Variants in EYA4 observed in about 807,000 individuals in gnomAD.
EYA4 encodes protein phosphatase EYA4.
Under a neutral mutation model 87.9 loss-of-function variants are expected in EYA4, and 31 were observed. That is an observed-to-expected ratio of 0.35 (90% CI 0.27 to 0.48). EYA4 has a LOEUF of 0.48. Ranked by LOEUF, EYA4 falls within the 20% of genes least tolerant of loss-of-function variation. The probability of loss-of-function intolerance (pLI) is 0.99; values close to 1 mark genes in which losing one functional copy is unlikely to be tolerated. For missense variants in EYA4, 678 were observed against 761.4 expected, an observed-to-expected ratio of 0.89 and a Z score of 1.29; for synonymous variants, 263 against 270.6, an observed-to-expected ratio of 0.97 and a Z score of 0.28.
chr6:133,341,635 CA>C (rs920744390), intron 2 of EYA4, among the ~76,000 whole-genome samples: 4 of 150,526 alleles, frequency 2.7e-5, no homozygotes, highest in African/African-American at 9.7e-5. Context: ...AATGTTGAAA[CA>C]AAGGACTTTT....
chr6:133,498,456 A>C (rs1797822090), intron 13 of EYA4, among the ~76,000 whole-genome samples: 1 of 152,220 alleles, frequency 6.6e-6, no homozygotes, highest in Admixed American at 6.5e-5. Context: ...CAGTAAGCAT[A>C]ACCTATTTAT....
At chr6:133,415,159 A>G (rs189299665) in intron 3 of EYA4, among the ~76,000 whole-genome samples, 1 of 152,242 alleles carries the variant, frequency 6.6e-6, no homozygotes, top group Non-Finnish European at 1.5e-5. Flanking sequence ...TCACTTACCC[A>G]CACTGCTGGT....
intron 2 of EYA4, among the ~76,000 whole-genome samples, chr6:133,329,167 G>T (rs1253041435): frequency 6.6e-6 from 1 of 151,896 alleles, no homozygotes; most frequent in East Asian, 1.9e-4. Flanking sequence ...ATGATTCTTA[G>T]GTCTGTTTTT....
intron 2 of EYA4, among the ~76,000 whole-genome samples, chr6:133,297,024 C>G (rs1778996607): frequency 6.6e-6 from 1 of 152,226 alleles, no homozygotes; most frequent in Admixed American, 6.5e-5. Context: ...GATGCATGCA[C>G]TAATTCTTGC....
chr6:133,314,592 T>A (rs1322248883), intron 2 of EYA4, among the ~76,000 whole-genome samples: 1 of 152,214 alleles, frequency 6.6e-6, no homozygotes, highest in Non-Finnish European at 1.5e-5. Context: ...TAATAAAACA[T>A]GTTTTTCCTT....
chr6:133,439,923 AATT>A (rs1430955670), intron 3 of EYA4, among the ~76,000 whole-genome samples: 1 of 152,184 alleles, frequency 6.6e-6, no homozygotes, highest in Non-Finnish European at 1.5e-5. Context: ...ATCTCCCAGG[AATT>A]GGTCAAGGGA....
chr6:133,318,244 ACT>A, intron 2 of EYA4, among the ~76,000 whole-genome samples: 1 of 152,130 alleles, frequency 6.6e-6, no homozygotes, highest in East Asian at 1.9e-4. Context: ...TATGGGTGTG[ACT>A]CTTCTTTTTT....
rs571818418 is a variant in EYA4 at position 133,358,961 on chromosome 6, G to A, written c.34-23431G>A. Among the ~76,000 whole-genome samples the A allele has an allele frequency of 3.3e-3, 504 of 152,208 alleles. 3 individuals carry two copies. Among genetic ancestry groups the A allele is most frequent in the African/African-American group, 0.011 (469 of 41,532 alleles). ...GAGATCTGAAGGATGAGAGCCAGCC[G>A]CCTTACAGAATGTGGGGGAGAGGAT... is the stretch of plus-strand genomic sequence containing the variant. On this transcript the variant is annotated intron_variant, in intron 2 of 19. Transcript: ENST00000355286.
intron 2 of EYA4, among the ~76,000 whole-genome samples, chr6:133,368,555 G>C (rs1583079233): frequency 6.6e-6 from 1 of 152,110 alleles, no homozygotes; most frequent in Admixed American, 6.6e-5. Flanking sequence ...TACTCAACAG[G>C]CTCCAACTGC....
At chr6:133,311,802 T>G (rs1288664797) in intron 2 of EYA4, among the ~76,000 whole-genome samples, 1 of 152,116 alleles carries the variant, frequency 6.6e-6, no homozygotes, top group Non-Finnish European at 1.5e-5. Context: ...AAAACACTTG[T>G]GTCCAACACC....
At chr6:133,391,386 C>G (rs1300171135) in intron 3 of EYA4, among the ~76,000 whole-genome samples, 1 of 151,940 alleles carries the variant, frequency 6.6e-6, no homozygotes, top group African/African-American at 2.4e-5. Flanking sequence ...TGCACCTAAG[C>G]AAAGGATTAA....
chr6:133,496,915 TGAGCTGG>T (rs1797691303), intron 13 of EYA4, among the ~76,000 whole-genome samples: 1 of 152,212 alleles, frequency 6.6e-6, no homozygotes, highest in South Asian at 2.1e-4. Context: ...TCAAGTATAG[TGAGCTGG>T]GAGCTGCACC....
At chr6:133,251,440 T>TA (rs139357715) in intron 1 of EYA4, among the ~76,000 whole-genome samples, 3,235 of 152,300 alleles carry the variant, frequency 0.021, 101 homozygotes, top group African/African-American at 0.069. Context: ...TGGATTCAGA[T>TA]ATAATGGCTA....
At chr6:133,432,149 TC>T (rs1562413463) in intron 3 of EYA4, among the ~76,000 whole-genome samples, 1 of 152,082 alleles carries the variant, frequency 6.6e-6, no homozygotes, top group Non-Finnish European at 1.5e-5. Context: ...ATATGCATTG[TC>T]ATCCCTCCTG....
chr6:133,438,269 G>A (rs1284793446), intron 3 of EYA4, among the ~76,000 whole-genome samples: 1 of 151,710 alleles, frequency 6.6e-6, no homozygotes, highest in African/African-American at 2.4e-5. Flanking sequence ...CCTGTGGACT[G>A]GAATGTAGAA....
At chr6:133,256,472 C>T (rs1245813068) in intron 1 of EYA4, among the ~76,000 whole-genome samples, 1 of 151,920 alleles carries the variant, frequency 6.6e-6, no homozygotes, top group Non-Finnish European at 1.5e-5. Flanking sequence ...CTGTGCCAGG[C>T]ACAGTTCTAA....
chr6:133,375,414 T>G (rs983550545), intron 2 of EYA4, among the ~76,000 whole-genome samples: 1 of 152,004 alleles, frequency 6.6e-6, no homozygotes, highest in Non-Finnish European at 1.5e-5. Context: ...TAAAAATTGT[T>G]TATGTTTTGC....
chr6:133,399,615 T>C (rs1017176818), intron 3 of EYA4, among the ~76,000 whole-genome samples: 3 of 152,212 alleles, frequency 2.0e-5, no homozygotes, highest in African/African-American at 7.2e-5. Flanking sequence ...TAAGTAGTTA[T>C]ATGGCATTGA....
intron 19 of EYA4, among the ~76,000 whole-genome samples, chr6:133,528,290 A>G (rs998240907): frequency 1.7e-4 from 26 of 152,114 alleles, no homozygotes; most frequent in African/African-American, 5.8e-4. Flanking sequence ...TTCTTCCTAG[A>G]TTAACAAAAT....
Sources: gnomAD v4.1 joint callset for allele counts (sites outside exome capture counted in the v4.1 genomes callset) on GRCh38, gnomAD v4.1.1 for gene constraint, MANE v1.5 for transcripts, NCBI Gene and HGNC (gene_info 2026-07-23, HGNC 2026-07-21) for gene names.